The following ADAM10 variants were observed in gnomAD, a reference collection of about 807,000 sequenced individuals.
The protein encoded by ADAM10 is ADAM metallopeptidase domain 10.
ADAM10 carries 17 observed loss-of-function variants against 90.1 expected under a neutral mutation model. That is an observed-to-expected ratio of 0.19 (90% CI 0.13 to 0.28). The LOEUF is 0.28. Ranked by LOEUF, ADAM10 falls within the 10% of genes least tolerant of loss-of-function variation. The probability of loss-of-function intolerance (pLI) is 1.00; values close to 1 mark genes in which losing one functional copy is unlikely to be tolerated. For missense variants in ADAM10, 610 were observed against 914.3 expected, an observed-to-expected ratio of 0.67 and a Z score of 4.29; for synonymous variants, 310 against 298.6, an observed-to-expected ratio of 1.04 and a Z score of -0.40.
rs939853449 is a variant in ADAM10, at chr15:58,690,007, C to A, written c.207-7693G>T. Among the ~76,000 whole-genome samples the A allele has an allele frequency of 3.6e-5, 5 of 137,344 alleles. No homozygotes were observed. In the East Asian group the frequency reaches 1.1e-3, roughly 31 times the overall value. The allele number at this position is 137,344 out of a possible 152,430, so 90.1% of individuals were successfully genotyped here. On this transcript the variant is annotated intron_variant, in intron 2 of 15. Transcript: ENST00000260408. ...TATGAACATAAACAAAAAAATCCAACCAAAAACTAGAAAACTGAACAAAGC... is the reference window on the plus strand; with the variant it reads ...TATGAACATAAACAAAAAAATCCAAACAAAAACTAGAAAACTGAACAAAGC...
At chr15:58,669,627 C>A (rs539219446) in intron 4 of ADAM10, among the ~76,000 whole-genome samples, 5 of 152,128 alleles carry the variant, frequency 3.3e-5, no homozygotes, top group Non-Finnish European at 5.9e-5. Context: ...GTAGTTATTT[C>A]ATCCCCTTGC....
chr15:58,686,377 C>T, intron 2 of ADAM10: 1 of 851,726 alleles, frequency 1.2e-6, no homozygotes, highest in Non-Finnish European at 1.9e-6. Context: ...AGCTTAAAAA[C>T]AAGGCTGGGC....
rs138291723 is a variant in ADAM10, at chr15:58,625,678, A to G, written c.1360+2022T>C. Among the ~76,000 whole-genome samples the G allele has an allele frequency of 2.7e-3, 415 of 152,344 alleles. 1 individual carries two copies. Among genetic ancestry groups the G allele is most frequent in the African/African-American group, 9.3e-3 (388 of 41,576 alleles). The stretch of plus-strand genomic sequence containing the variant: ...AGCATTTATCTCAAAGTAAAAACTT[A>G]TATGTTTATACAAAAAACCTGTACA... On this transcript the variant is annotated intron_variant, in intron 10 of 15. Transcript: ENST00000260408.
intron 2 of ADAM10, among the ~76,000 whole-genome samples, chr15:58,714,352 G>T (rs1487248489): frequency 1.3e-5 from 2 of 149,344 alleles, no homozygotes; most frequent in African/African-American, 2.5e-5. Flanking sequence ...ACCCAGAAAT[G>T]TAAGTCACAA....
intron 1 of ADAM10, among the ~76,000 whole-genome samples, chr15:58,733,548 G>C (rs1230082114): frequency 6.6e-6 from 1 of 152,184 alleles, no homozygotes; most frequent in Admixed American, 6.5e-5. Context: ...CAAAAATAAA[G>C]TACAGGGAAG....
intron 1 of ADAM10, among the ~76,000 whole-genome samples, chr15:58,729,002 A>G (rs1899133526): frequency 6.6e-6 from 1 of 152,188 alleles, no homozygotes; most frequent in Admixed American, 6.5e-5. Flanking sequence ...AACAGCAACT[A>G]AGCCATTTTC....
At chr15:58,600,497 T>C (rs1438104359) in intron 14 of ADAM10, among the ~76,000 whole-genome samples, 1 of 152,110 alleles carries the variant, frequency 6.6e-6, no homozygotes, top group African/African-American at 2.4e-5. Context: ...ACATTATATA[T>C]AATATCTTTA....
At chr15:58,606,507 T>C (rs778326651) in intron 14 of ADAM10, among the ~76,000 whole-genome samples, 16 of 152,252 alleles carry the variant, frequency 1.1e-4, no homozygotes, top group Non-Finnish European at 2.1e-4. Context: ...GTATACTGTG[T>C]CCTCACTATA....
chr15:58,676,127 T>G (rs866402221), intron 4 of ADAM10: 7 of 325,484 alleles, frequency 2.2e-5, no homozygotes, highest in South Asian at 1.5e-4. Context: ...AAATGTATGA[T>G]TTTAGAGAGG....
chr15:58,634,085 C>T (rs1028730068), intron 8 of ADAM10, among the ~76,000 whole-genome samples: 5 of 151,894 alleles, frequency 3.3e-5, no homozygotes, highest in African/African-American at 1.2e-4. Context: ...CCGAGGCAGG[C>T]AGATCACTTG....
At chr15:58,665,256 A>G in intron 4 of ADAM10, 59 bp from the exon 5 acceptor site, 4 of 1,290,610 alleles carry the variant, frequency 3.1e-6, no homozygotes, top group South Asian at 1.2e-5. Context: ...CCAATTATAA[A>G]TGAGAATTAC....
chr15:58,638,552 T>C (rs1327652541), intron 8 of ADAM10, among the ~76,000 whole-genome samples: 1 of 144,658 alleles, frequency 6.9e-6, no homozygotes, highest in African/African-American at 2.6e-5. Flanking sequence ...GAGGTGGAGG[T>C]TGCAGTGAGC....
intron 10 of ADAM10, among the ~76,000 whole-genome samples, chr15:58,626,022 T>A (rs1433145078): frequency 1.3e-5 from 2 of 152,108 alleles, no homozygotes; most frequent in African/African-American, 2.4e-5. Context: ...GTAAGCATGG[T>A]TATAAAACAA....
intron 14 of ADAM10, 92 bp from the exon 15 acceptor site, chr15:58,599,816 C>T: frequency 7.8e-7 from 1 of 1,278,544 alleles, no homozygotes; most frequent in Non-Finnish European, 1.1e-6. Context: ...GAATAGAACA[C>T]AGTATATTGT....
In ADAM10 at chr15:58,590,914, T is replaced by C. The variant is rs1293964141; in HGVS notation, c.*6633A>G. ...TCAAATTATTCTCATTTTTTTACAC[T>C]GAGAACAAACAACTACAGAATATCT... On this transcript the variant is annotated 3_prime_UTR_variant, in exon 16 of 16. Coordinates refer to ENST00000260408, the MANE Select transcript of ADAM10 (RefSeq NM_001110.4). The C allele has an allele frequency of 2.6e-5, 4 of 152,174 alleles. No homozygotes were observed. Among genetic ancestry groups the C allele is most frequent in the African/African-American group, 9.7e-5 (4 of 41,444 alleles). The allele number at this position is 152,174 out of a possible 1,614,324, so 9.4% of individuals were successfully genotyped here.
At chr15:58,623,801 C>A (rs980200606) in intron 10 of ADAM10, among the ~76,000 whole-genome samples, 2 of 151,996 alleles carry the variant, frequency 1.3e-5, no homozygotes, top group Non-Finnish European at 2.9e-5. Flanking sequence ...CAACACACAC[C>A]AGGGCCAGTC....
chr15:58,726,480 G>A (rs550443870), intron 1 of ADAM10, among the ~76,000 whole-genome samples: 6 of 134,878 alleles, frequency 4.4e-5, no homozygotes, highest in South Asian at 4.9e-4. Flanking sequence ...CATGAGAATC[G>A]CTTAAACGCA....
chr15:58,720,563 G>A (rs1040998095), intron 1 of ADAM10, among the ~76,000 whole-genome samples: 24 of 151,652 alleles, frequency 1.6e-4, no homozygotes, highest in Admixed American at 3.9e-4. Context: ...CACCACGCCC[G>A]GCTAATTTTT....
chr15:58,648,874 C>A lies in ADAM10; in HGVS notation c.586-2670G>T, dbSNP rs577006727. Among the ~76,000 whole-genome samples the A allele has an allele frequency of 9.2e-5, 14 of 151,994 alleles. No individual in the cohort carries two copies. The Middle Eastern group carries it at 0.014, about 148-fold the overall frequency. On this transcript the variant is annotated intron_variant, in intron 5 of 15. Coordinates refer to ENST00000260408, the MANE Select transcript of ADAM10 (RefSeq NM_001110.4). The stretch of plus-strand genomic sequence containing the variant: ...TTTTTTGCCTTAAAATCTACTTTGG[C>A]TGATAATAGACATATTTTTGTTAGA...
Sources: allele counts gnomAD v4.1 joint callset (sites outside exome capture counted in the v4.1 genomes callset), GRCh38; gene constraint gnomAD v4.1.1; transcripts MANE v1.5; gene names NCBI Gene and HGNC (gene_info 2026-07-23, HGNC 2026-07-21).